ITIH5: variants seen among roughly 807,000 people sequenced by gnomAD.
ITIH5 encodes the protein inter-alpha-trypsin inhibitor heavy chain 5, also known as inter-alpha-trypsin inhibitor heavy chain H5.
A neutral mutation model predicts 77.5 loss-of-function variants in ITIH5; 65 were observed. The ratio of observed to expected loss-of-function variants is 0.84; its 90% CI spans 0.69 to 1.03. The LOEUF is 1.03. ITIH5 is among the 50% of genes least tolerant of loss of function. ITIH5 has a pLI of 0.00. For synonymous variants in ITIH5, 525 were observed against 494.3 expected, an observed-to-expected ratio of 1.06 and a Z score of -0.82; for missense variants, 1,208 against 1,213.1, an observed-to-expected ratio of 1.00 and a Z score of 0.06.
intron 1 of ITIH5, among the ~76,000 whole-genome samples, chr10:7,657,030 C>T (rs1010553770): frequency 2.1e-5 from 3 of 145,290 alleles, no homozygotes; most frequent in South Asian, 2.2e-4. Flanking sequence ...GCGTGAGCCA[C>T]CGCGTTCGGC....
intron 5 of ITIH5, among the ~76,000 whole-genome samples, chr10:7,624,414 G>A (rs143010436): frequency 1.1e-4 from 16 of 152,222 alleles, no homozygotes; most frequent in African/African-American, 3.9e-4. Flanking sequence ...GGCTGAGGCA[G>A]GAGAATCACT....
At position 7,628,855 on chromosome 10, in the gene ITIH5, CTGTTGTAGCGTGTGTCCG is replaced by C. The variant is rs1295534970; in HGVS notation, c.652+8355_652+8372del. Among the ~76,000 whole-genome samples, 56 of 73,396 alleles carry C rather than the reference CTGTTGTAGCGTGTGTCCG, an allele frequency of 7.6e-4. 3 individuals carry two copies. Among genetic ancestry groups the C allele is most frequent in the African/African-American group, 1.1e-3 (27 of 23,528 alleles). The allele number at this position is 73,396 out of a possible 152,430, so 48.2% of individuals were successfully genotyped here. A position where few individuals can be genotyped will look rare whatever the true frequency, so the allele number is the denominator to read the frequency against. On this transcript the variant is annotated intron_variant, in intron 5 of 13. Coordinates refer to ENST00000397146, the MANE Select transcript of ITIH5 (RefSeq NM_030569.7). ...TGTGTCCCTGTTGTAGCGTGTGTCCCTGTTGTAGCGTGTGTCCGTGTTGTAGCGTGTGTCCGTGTTGTG... is the reference window on the plus strand; with the variant it reads ...TGTGTCCCTGTTGTAGCGTGTGTCCCTGTTGTAGCGTGTGTCCGTGTTGTG...
At position 7,663,003 on chromosome 10, in the gene ITIH5, A is replaced by G. The variant is rs145658547; in HGVS notation, c.90+3800T>C. On this transcript the variant is annotated intron_variant, in intron 1 of 13. Coordinates refer to ENST00000397146, the MANE Select transcript of ITIH5 (RefSeq NM_030569.7). ...GTCCAATTCAGGGAATTAGAAATGT[A>G]TCACCACAATAGATGTTTGAATTAT... 1.0e-2 allele frequency among the ~76,000 whole-genome samples: 1,520 copies of G among 152,370 alleles called. 14 individuals carry two copies. Among genetic ancestry groups the G allele is most frequent in the Middle Eastern group, 0.082 (24 of 294 alleles).
chr10:7,587,500 C>T (rs575706396), intron 7 of ITIH5, among the ~76,000 whole-genome samples: 238 of 152,344 alleles, frequency 1.6e-3, no homozygotes, highest in African/African-American at 5.6e-3. Context: ...TGGGTTCATC[C>T]CCGACTCTCC....
In ITIH5 at chr10:7,616,114, G is replaced by T. The variant is rs776705784; in HGVS notation, c.823-16C>A. 2 of 1,492,240 alleles carry T rather than the reference G, an allele frequency of 1.3e-6. No individual in the cohort carries two copies. The highest frequency in any genetic ancestry group is 1.9e-6 in the Non-Finnish European group (2 of 1,069,464). The allele number at this position is 1,492,240 out of a possible 1,614,324, so 92.4% of individuals were successfully genotyped here. A position where few individuals can be genotyped will look rare whatever the true frequency, so the allele number is the denominator to read the frequency against. On this transcript the variant is annotated splice_polypyrimidine_tract_variant and intron_variant, in intron 6 of 13. Transcript: ENST00000397146. ...CATTTAGAACCTGGTGGAGGGAAAA[G>T]AAAGTAAAAACGGTAGTACCTAGAG...
intron 5 of ITIH5, among the ~76,000 whole-genome samples, chr10:7,622,770 C>T (rs1833494692): frequency 6.6e-6 from 1 of 151,904 alleles, no homozygotes; most frequent in Non-Finnish European, 1.5e-5. Flanking sequence ...TCTGAAAGTC[C>T]CTTAAAATTA....
chr10:7,621,166 G>A (rs748453443), intron 5 of ITIH5: 13 of 152,216 alleles, frequency 8.5e-5, no homozygotes, highest in African/African-American at 3.1e-4. Flanking sequence ...TCAATAAAAT[G>A]TGTTGTATGC....
intron 7 of ITIH5, among the ~76,000 whole-genome samples, chr10:7,587,271 T>C (rs1832698924): frequency 6.6e-6 from 1 of 152,214 alleles, no homozygotes; most frequent in Admixed American, 6.5e-5. Context: ...CCATATGACC[T>C]GAAACCAGAA....
rs756871935 is a variant in ITIH5 at position 7,641,979 on chromosome 10, T to G, written c.247A>C (p.Ile83Leu). ...MLNRASEDQD[I>L]EFQMQIPAAA... ...GCTGGAATCTGCATCTGGAACTCAA[T>G]GTCCTGGTCTTCAGAAGCTCTGTTC... The change falls in exon 3 of 14, where the codon ATT (isoleucine) becomes CTT (leucine). Residue 83 changes from isoleucine to leucine, a missense_variant. Physicochemically the swap from Ile to Leu is conservative, Grantham distance 5 (BLOSUM62 2). Coordinates refer to ENST00000397146, the MANE Select transcript of ITIH5 (RefSeq NM_030569.7). 5.0e-6 allele frequency: 8 copies of G among 1,614,140 alleles called. No homozygotes were observed. Among genetic ancestry groups the G allele is most frequent in the Non-Finnish European group, 6.8e-6 (8 of 1,179,982 alleles).
Position 7,566,248 on chromosome 10 carries a change from C to A in ITIH5, c.2309G>T (p.Arg770Ile). The change falls in exon 13 of 14, where the codon AGA (arginine) becomes ATA (isoleucine). Residue 770 changes from arginine to isoleucine, a missense_variant. By Grantham distance (97) the Arg-to-Ile change is moderately conservative (BLOSUM62 -3). Coordinates refer to ENST00000397146, the MANE Select transcript of ITIH5 (RefSeq NM_030569.7). Reference protein sequence around the residue: ...PSRVILDGGDRLVLPCNQSVV... With the variant: ...PSRVILDGGDILVLPCNQSVV... Reference sequence around the variant, plus strand: ...ACTCTGGTTGCAGGGGAGCACCAGTCTGTCCCCACCATCCAAGATGACTCT... The same window carrying A: ...ACTCTGGTTGCAGGGGAGCACCAGTATGTCCCCACCATCCAAGATGACTCT... The A allele has an allele frequency of 6.2e-7, 1 of 1,613,436 alleles. No individual in the cohort carries two copies. Among genetic ancestry groups the A allele is most frequent in the Non-Finnish European group, 8.5e-7 (1 of 1,179,692 alleles).
chr10:7,647,440 G>A (rs1834024285), intron 2 of ITIH5, among the ~76,000 whole-genome samples: 2 of 152,192 alleles, frequency 1.3e-5, no homozygotes, highest in African/African-American at 4.8e-5. Context: ...ACACCCCAGA[G>A]CAACCTCCAG....
chr10:7,572,955 T>C (rs11255194), intron 11 of ITIH5, 187 bp downstream of exon 11: 252,259 of 527,302 alleles, frequency 0.48, 62,974 homozygotes, highest in East Asian at 0.66. Flanking sequence ...TTTTTGTATT[T>C]TTAGTAGAGA....
chr10:7,569,238 T>TG (rs1832248997), intron 12 of ITIH5: 1 of 152,800 alleles, frequency 6.5e-6, no homozygotes, highest in African/African-American at 2.4e-5. Context: ...AAGCTGGTCT[T>TG]GAACTCCTGA....
In ITIH5 at chr10:7,579,309, T is replaced by C. The variant is rs1832489539; in HGVS notation, c.1418+446A>G. Reference sequence around the variant, plus strand: ...GGGAGGCCAAGGCGGGCAGATCACCTGAGGTCAGGAGTTCGAGACCAGCCT... The same window carrying C: ...GGGAGGCCAAGGCGGGCAGATCACCCGAGGTCAGGAGTTCGAGACCAGCCT... On this transcript the variant is annotated intron_variant, in intron 9 of 13. Coordinates refer to ENST00000397146, the MANE Select transcript of ITIH5 (RefSeq NM_030569.7). Among the ~76,000 whole-genome samples, 2 of 152,222 alleles carry C rather than the reference T, an allele frequency of 1.3e-5. 1 individual carries two copies. The highest frequency in any genetic ancestry group is 4.1e-4 in the South Asian group (2 of 4,830).
chr10:7,566,149 G>A lies in ITIH5; in HGVS notation c.2408C>T (p.Ser803Phe). ...GTGGATGAGGATGACAAAGGCTATG[G>A]AGCCCTGGATGGTGACGGTGACATT... ...NANVTVTIQG[S>F]IAFVILIHLY... is the part of the protein sequence containing the mutation. The change falls in exon 13 of 14, where the codon TCC becomes TTC. Residue 803 changes from serine (S) to phenylalanine (F), a missense_variant. By Grantham distance (155) the Ser-to-Phe change is radical. Coordinates refer to ENST00000397146, the MANE Select transcript of ITIH5 (RefSeq NM_030569.7). 1 of 1,614,104 alleles carries A rather than the reference G, an allele frequency of 6.2e-7. No individual in the cohort carries two copies. The highest frequency in any genetic ancestry group is 8.5e-7 in the Non-Finnish European group (1 of 1,180,008).
chr10:7,586,272 G>A (rs1588376432), intron 7 of ITIH5, among the ~76,000 whole-genome samples: 2 of 152,210 alleles, frequency 1.3e-5, no homozygotes, highest in African/African-American at 2.4e-5. Flanking sequence ...TTGTAGACAC[G>A]AGTGAATCAG....
In ITIH5 at chr10:7,666,837, TC is replaced by T. The variant is rs756979403; in HGVS notation, c.55del (p.Glu19LysfsTer27). Reference sequence around the variant, plus strand: ...AGAGTGGCCCCAGCTCTGCGCCTCTTCCTGCGACCCCACACACAGGGACAGC... The same window carrying T: ...AGAGTGGCCCCAGCTCTGCGCCTCTTCTGCGACCCCACACACAGGGACAGC... ...LGLSLCVGSQ[E>X]EAQSWGHSSE... On this transcript the variant is annotated frameshift_variant, in exon 1 of 14. Transcript: ENST00000397146. LOFTEE classifies it high-confidence loss of function. 2.5e-6 allele frequency: 4 copies of T among 1,609,052 alleles called. No homozygotes were observed. The African/African-American group carries it at 4.0e-5, about 16-fold the overall frequency.
chr10:7,666,403 C>T (rs184400513), intron 1 of ITIH5, among the ~76,000 whole-genome samples: 1 of 152,204 alleles, frequency 6.6e-6, no homozygotes, highest in Admixed American at 6.5e-5. Flanking sequence ...GAACTCCTCT[C>T]ATATTGCCTT....
In ITIH5 at chr10:7,561,870, C is replaced by G. The variant is rs1291226201; in HGVS notation, c.*1213G>C. ...AGCATTCCACTTCCCCGACCACAGT[C>G]TTTCTTTCTCTGCTGTTTCGCCCAA... On this transcript the variant is annotated 3_prime_UTR_variant, in exon 14 of 14. Transcript: ENST00000397146. 6.6e-6 allele frequency: 1 copy of G among 152,126 alleles called. No homozygotes were observed. The highest frequency in any genetic ancestry group is 2.4e-5 in the African/African-American group (1 of 41,420). The allele number at this position is 152,126 out of a possible 1,614,324, so 9.4% of individuals were successfully genotyped here. A position where few individuals can be genotyped will look rare whatever the true frequency, so the allele number is the denominator to read the frequency against.
Sources: allele counts gnomAD v4.1 joint callset (sites outside exome capture counted in the v4.1 genomes callset), GRCh38; gene constraint gnomAD v4.1.1; transcripts MANE v1.5; gene names NCBI Gene and HGNC (gene_info 2026-07-23, HGNC 2026-07-21).